Variants in DDC observed in about 807,000 individuals in gnomAD.
The protein encoded by DDC is dopa decarboxylase.
In DDC, 43 loss-of-function variants were observed where a neutral mutation model predicts 60.0. The observed-to-expected ratio is 0.72, with a 90% confidence interval of 0.56 to 0.92. DDC has a LOEUF of 0.92. DDC is among the 40% of genes least tolerant of loss of function. The pLI is 0.00. For missense variants in DDC, 573 were observed against 620.2 expected (o/e 0.92, Z 0.81); for synonymous variants, 232 against 234.6 (o/e 0.99, Z 0.10).
intron 5 of DDC, among the ~76,000 whole-genome samples, chr7:50,528,982 G>A (rs1162086347): frequency 6.6e-6 from 1 of 152,152 alleles, no homozygotes; most frequent in Non-Finnish European, 1.5e-5. Context: ...AAAGGTGACA[G>A]AGCCAGTCGC....
intron 4 of DDC, among the ~76,000 whole-genome samples, chr7:50,536,526 T>G (rs941482422): frequency 6.6e-6 from 1 of 152,218 alleles, no homozygotes; most frequent in Admixed American, 6.5e-5. Flanking sequence ...GAAATGGGGC[T>G]GTGAGCCAAG....
Position 50,507,092 on chromosome 7 carries a change from C to T in DDC, c.715-3033G>A, listed in dbSNP as rs538461192. 2.2e-4 allele frequency among the ~76,000 whole-genome samples: 33 copies of T among 152,184 alleles called. 1 individual carries two copies. The East Asian group carries it at 3.5e-3, about 16-fold the overall frequency. ...CTTATCTTTATCCTTAAGAGAATAG[C>T]GAAAAAGAATGACTTAACAATATTA... On this transcript the variant is annotated intron_variant, in intron 6 of 14. Transcript: ENST00000444124.
chr7:50,469,504 A>G (rs1339044632), intron 12 of DDC, among the ~76,000 whole-genome samples: 1 of 152,166 alleles, frequency 6.6e-6, no homozygotes. Flanking sequence ...CCATTGCTCA[A>G]TGAACTTCAT....
intron 4 of DDC, among the ~76,000 whole-genome samples, chr7:50,530,292 C>G (rs1389374375): frequency 6.6e-6 from 1 of 151,886 alleles, no homozygotes; most frequent in Non-Finnish European, 1.5e-5. Context: ...GAAATGTGGC[C>G]CCCAGACATG....
Position 50,548,425 on chromosome 7 carries a change from T to C in DDC, c.-28-4312A>G, listed in dbSNP as rs117280351. 5.2e-3 allele frequency among the ~76,000 whole-genome samples: 790 copies of C among 152,310 alleles called. 5 individuals are homozygous for C. Among genetic ancestry groups the C allele is most frequent in the South Asian group, 0.022 (104 of 4,826 alleles). On this transcript the variant is annotated intron_variant, in intron 1 of 14. Transcript: ENST00000444124. ...AAGGAAATTAGAAGTATAACTCCAG[T>C]GAGCACATGAATGCTAAGCAAAATA...
chr7:50,479,886 A>C lies in DDC; in HGVS notation c.945-23T>G, dbSNP rs11575457. On this transcript the variant is annotated intron_variant, in intron 9 of 14. Transcript: ENST00000444124. ...ACCCTGGTTTTAGAGAACAAATGAA[A>C]GGGCTGATAACCAAGTACCCTAGAC... 903,875 of 1,605,454 alleles carry C rather than the reference A, an allele frequency of 0.56. 255,938 individuals are homozygous for C. The highest frequency in any genetic ancestry group is 0.64 in the Admixed American group (38,156 of 59,932).
At chr7:50,493,040 C>T in intron 9 of DDC, 4 of 1,540,402 alleles carry the variant, frequency 2.6e-6, no homozygotes, top group Non-Finnish European at 3.5e-6. Flanking sequence ...TACACTCCTT[C>T]TTATCGTGTG....
chr7:50,529,383 C>T (rs371536089), intron 4 of DDC, 41 bp from the exon 5 acceptor site: 28 of 1,610,436 alleles, frequency 1.7e-5, no homozygotes, highest in Non-Finnish European at 2.1e-5. Flanking sequence ...CCAAACATAG[C>T]GAAGGCATTG....
intron 1 of DDC, among the ~76,000 whole-genome samples, chr7:50,558,575 C>T (rs1224561267): frequency 6.6e-6 from 1 of 152,178 alleles, no homozygotes; most frequent in African/African-American, 2.4e-5. Context: ...CTGATAAGCT[C>T]GTGGTATACA....
chr7:50,479,674 G>A (rs2042723854), intron 10 of DDC, 113 bp downstream of exon 10: 1 of 953,860 alleles, frequency 1.0e-6, no homozygotes. Context: ...CGTCTTCTCT[G>A]TGAAAGCCTC....
At chr7:50,525,797 T>G (rs1181215603) in intron 6 of DDC, among the ~76,000 whole-genome samples, 1 of 152,014 alleles carries the variant, frequency 6.6e-6, no homozygotes, top group Admixed American at 6.6e-5. Flanking sequence ...AAGTTAAAAT[T>G]TTTTAATGTT....
intron 7 of DDC, among the ~76,000 whole-genome samples, chr7:50,502,089 G>A (rs1002335870): frequency 4.6e-5 from 7 of 152,004 alleles, no homozygotes; most frequent in Non-Finnish European, 5.9e-5. Flanking sequence ...AAAAAAAAAG[G>A]AATTGTCAAA....
intron 6 of DDC, among the ~76,000 whole-genome samples, chr7:50,506,499 AAAAAG>A (rs1002426477): frequency 6.6e-6 from 1 of 152,152 alleles, no homozygotes; most frequent in Non-Finnish European, 1.5e-5. Flanking sequence ...ACTTATAATA[AAAAAG>A]AAAAGAAAAG....
intron 11 of DDC, among the ~76,000 whole-genome samples, chr7:50,471,211 A>G (rs143770354): frequency 0.04 from 6,033 of 152,166 alleles, 252 homozygotes; most frequent in African/African-American, 0.11. Flanking sequence ...GACCAACATG[A>G]TGAAACCCTC....
At chr7:50,478,028 C>T (rs1289343568) in intron 10 of DDC, among the ~76,000 whole-genome samples, 1 of 136,234 alleles carries the variant, frequency 7.3e-6, no homozygotes, top group Non-Finnish European at 1.6e-5. Flanking sequence ...ATGGTGAAAC[C>T]CCGTCTCTAC....
At chr7:50,471,310 G>T (rs2042525196) in intron 11 of DDC, among the ~76,000 whole-genome samples, 1 of 152,192 alleles carries the variant, frequency 6.6e-6, no homozygotes, top group South Asian at 2.1e-4. Context: ...GACCCAGGAG[G>T]CGGAGGTTGC....
intron 6 of DDC, among the ~76,000 whole-genome samples, chr7:50,509,302 C>G (rs1202245956): frequency 2.0e-5 from 3 of 152,182 alleles, no homozygotes; most frequent in Admixed American, 2.0e-4. Flanking sequence ...GTCTTTAGGG[C>G]AAAATTCCAA....
intron 1 of DDC, among the ~76,000 whole-genome samples, chr7:50,559,002 C>T (rs2045270659): frequency 6.6e-6 from 1 of 152,186 alleles, no homozygotes; most frequent in Admixed American, 6.5e-5. Context: ...ACTCTGCTGC[C>T]CTCCATGCCC....
chr7:50,546,828 A>G (rs1432021475), intron 1 of DDC, among the ~76,000 whole-genome samples: 1 of 152,232 alleles, frequency 6.6e-6, no homozygotes, highest in African/African-American at 2.4e-5. Flanking sequence ...GATTATAGCA[A>G]CAGCAAATGC....
Sources: allele counts gnomAD v4.1 joint callset (sites outside exome capture counted in the v4.1 genomes callset), GRCh38; gene constraint gnomAD v4.1.1; transcripts MANE v1.5; gene names NCBI Gene and HGNC (gene_info 2026-07-23, HGNC 2026-07-21).